LRRC28: variants seen among roughly 807,000 people sequenced by gnomAD.
LRRC28 encodes the protein leucine rich repeat containing 28.
A neutral mutation model predicts 45.7 loss-of-function variants in LRRC28; 39 were observed. The ratio of observed to expected loss-of-function variants is 0.85; its 90% CI spans 0.66 to 1.12. LRRC28 has a LOEUF of 1.12. LRRC28 is among the 50% of genes most tolerant of loss of function. LRRC28 has a pLI of 0.00. For synonymous variants in LRRC28, 206 were observed against 178.8 expected (o/e 1.15, Z -1.22); for missense variants, 435 against 438.5 (o/e 0.99, Z 0.07).
intron 9 of LRRC28, among the ~76,000 whole-genome samples, chr15:99,377,582 A>G (rs1346306691): frequency 2.6e-5 from 4 of 152,034 alleles, no homozygotes; most frequent in East Asian, 1.9e-4. Context: ...TTTTGTTGCC[A>G]TTGCTTTTGG....
At chr15:99,328,680 A>T (rs1332081902) in intron 5 of LRRC28, among the ~76,000 whole-genome samples, 1 of 148,282 alleles carries the variant, frequency 6.7e-6, no homozygotes, top group East Asian at 2.0e-4. Context: ...TGCCCTCATT[A>T]CTGGTGGGCA....
rs58786080 is a variant in LRRC28, at chr15:99,260,035, G to T, written c.168+3910G>T. On this transcript the variant is annotated intron_variant, in intron 2 of 9. Transcript: ENST00000301981. ...ATGAATTGTAAATTATACTCTCATC[G>T]TTTGGATCCTGTGTGGAGAGGGAAT... The T allele has an allele frequency of 3.5e-3, 2,015 of 570,050 alleles. 36 individuals carry two copies. The highest frequency in any genetic ancestry group is 0.034 in the African/African-American group (1,790 of 53,266). The allele number at this position is 570,050 out of a possible 1,614,324, so 35.3% of individuals were successfully genotyped here.
intron 5 of LRRC28, among the ~76,000 whole-genome samples, chr15:99,305,041 C>T (rs1263321217): frequency 1.3e-5 from 2 of 152,096 alleles, no homozygotes; most frequent in Non-Finnish European, 2.9e-5. Context: ...TCACTGATGG[C>T]CAGATCTTAG....
At chr15:99,327,964 A>T (rs1185200919) in intron 5 of LRRC28, among the ~76,000 whole-genome samples, 1 of 152,130 alleles carries the variant, frequency 6.6e-6, no homozygotes, top group African/African-American at 2.4e-5. Context: ...GATTTATTTT[A>T]TTATTATGGG....
At chr15:99,383,928 A>G (rs1364788978) in intron 9 of LRRC28, among the ~76,000 whole-genome samples, 3 of 152,148 alleles carry the variant, frequency 2.0e-5, no homozygotes, top group African/African-American at 7.2e-5. Context: ...TTAATGTATC[A>G]TATTCTGAGG....
chr15:99,285,799 GA>G (rs781401795), intron 3 of LRRC28: 5 of 458,644 alleles, frequency 1.1e-5, no homozygotes, highest in East Asian at 1.2e-4. Flanking sequence ...GTATTTTGTT[GA>G]AAAAAATTTT....
chr15:99,309,216 G>A (rs1955306260), intron 5 of LRRC28, among the ~76,000 whole-genome samples: 1 of 152,066 alleles, frequency 6.6e-6, no homozygotes, highest in Admixed American at 6.6e-5. Flanking sequence ...CACTGTCAGG[G>A]TGATATTTTG....
intron 5 of LRRC28, among the ~76,000 whole-genome samples, chr15:99,299,910 A>C (rs1176651339): frequency 6.6e-6 from 1 of 152,198 alleles, no homozygotes; most frequent in Non-Finnish European, 1.5e-5. Flanking sequence ...TCAAAAAATG[A>C]GTATCTTTAT....
chr15:99,288,233 AAG>A (rs2082010866), intron 5 of LRRC28, among the ~76,000 whole-genome samples: 1 of 152,238 alleles, frequency 6.6e-6, no homozygotes, highest in Admixed American at 6.5e-5. Context: ...TATTTGTACA[AAG>A]AGTTACTTCA....
Position 99,276,606 on chromosome 15 carries a change from C to T in LRRC28, c.199C>T (p.Leu67Phe). 2.0e-6 allele frequency: 3 copies of T among 1,523,770 alleles called. No individual in the cohort carries two copies. The highest frequency in any genetic ancestry group is 1.7e-4 in the Middle Eastern group (1 of 5,782). 94.4% of individuals were successfully genotyped at this position (1,523,770 alleles called of 1,614,324 possible). ...AAACCTTGCTCAGAAGCTTCCAAACCTTGTGGAACTGTGAGTCTGTTTATT... is the reference window on the plus strand; with the variant it reads ...AAACCTTGCTCAGAAGCTTCCAAACTTTGTGGAACTGTGAGTCTGTTTATT... ...PENLAQKLPN[L>F]VELYLHSNNI... Residue 67 changes from leucine to phenylalanine, a missense_variant, in exon 3 of 10, where the codon CTT becomes TTT. Coordinates refer to ENST00000301981, the MANE Select transcript of LRRC28 (RefSeq NM_144598.5).
chr15:99,377,562 C>T (rs1289048485), intron 9 of LRRC28, among the ~76,000 whole-genome samples: 1 of 152,108 alleles, frequency 6.6e-6, no homozygotes, highest in Non-Finnish European at 1.5e-5. Flanking sequence ...TCCCATTTGT[C>T]AATTTTGGCT....
intron 5 of LRRC28, among the ~76,000 whole-genome samples, chr15:99,289,389 A>C (rs1190194410): frequency 2.6e-5 from 4 of 152,248 alleles, no homozygotes; most frequent in Admixed American, 1.3e-4. Flanking sequence ...CAACTCGAGA[A>C]CACCAACCAG....
chr15:99,361,451 C>T lies in LRRC28; in HGVS notation c.811C>T (p.Leu271Phe). 2 of 1,613,938 alleles carry T rather than the reference C, an allele frequency of 1.2e-6. No homozygotes were observed. Among genetic ancestry groups the T allele is most frequent in the Non-Finnish European group, 1.7e-6 (2 of 1,179,934 alleles). The change falls in exon 8 of 10, where the codon CTC becomes TTC. Residue 271 changes from leucine to phenylalanine, a missense_variant. Leu to Phe is a conservative substitution (Grantham distance 22, BLOSUM62 0). Transcript: ENST00000301981. ...CATAGGGACGGAGCATGATCACGTC[C>T]TCCCTCTGCAGGAATTGGCTATGAG... is the stretch of plus-strand genomic sequence containing the variant. ...KAIGTEHDHV[L>F]PLQELAMRGL...
intron 5 of LRRC28, chr15:99,326,616 T>A (rs1955986837): frequency 6.6e-6 from 1 of 152,228 alleles, no homozygotes; most frequent in Admixed American, 6.5e-5. Context: ...TTAATTTCTG[T>A]TCTTTTCTAT....
chr15:99,268,200 G>A (rs1353420091), intron 2 of LRRC28, among the ~76,000 whole-genome samples: 1 of 152,168 alleles, frequency 6.6e-6, no homozygotes, highest in East Asian at 1.9e-4. Flanking sequence ...TGCATGTTAA[G>A]TGAATTTTCC....
intron 5 of LRRC28, among the ~76,000 whole-genome samples, chr15:99,289,327 A>G (rs2082046177): frequency 6.6e-6 from 1 of 152,228 alleles, no homozygotes; most frequent in African/African-American, 2.4e-5. Flanking sequence ...TGAGCAGAGA[A>G]AGATACAGAT....
intron 6 of LRRC28, among the ~76,000 whole-genome samples, chr15:99,342,444 C>G (rs921557801): frequency 2.6e-5 from 4 of 152,122 alleles, no homozygotes; most frequent in South Asian, 2.1e-4. Flanking sequence ...TCTTGGACTT[C>G]GGAAGGTTAT....
intron 5 of LRRC28, among the ~76,000 whole-genome samples, chr15:99,297,055 C>T (rs2152234574): frequency 6.6e-6 from 1 of 151,968 alleles, no homozygotes; most frequent in South Asian, 2.1e-4. Context: ...GTGGTGGGCG[C>T]CTGTAATCCC....
rs569736906 is a variant in LRRC28, at chr15:99,386,014, C to G, written c.1032-16C>G. On this transcript the variant is annotated splice_polypyrimidine_tract_variant and intron_variant, in intron 9 of 9. Coordinates refer to ENST00000301981, the MANE Select transcript of LRRC28 (RefSeq NM_144598.5). The stretch of plus-strand genomic sequence containing the variant: ...TTGAACTCACAGCGTTCTTCTCTCC[C>G]TTTTTCCCCTTCCAGGAAGACAACT... 1 of 1,612,116 alleles carries G rather than the reference C, an allele frequency of 6.2e-7. No homozygotes were observed. Among genetic ancestry groups the G allele is most frequent in the South Asian group, 1.1e-5 (1 of 91,032 alleles).
Sources: gnomAD v4.1 joint callset for allele counts (sites outside exome capture counted in the v4.1 genomes callset) on GRCh38, gnomAD v4.1.1 for gene constraint, MANE v1.5 for transcripts, NCBI Gene and HGNC (gene_info 2026-07-23, HGNC 2026-07-21) for gene names.